Variants in ERC2 observed in about 807,000 individuals in gnomAD.
ERC2 encodes the protein ELKS/RAB6-interacting/CAST family member 2.
In ERC2, 42 loss-of-function variants were observed where a neutral mutation model predicts 114.8. The ratio of observed to expected loss-of-function variants is 0.37; its 90% confidence interval spans 0.29 to 0.47. The LOEUF (loss-of-function observed/expected upper bound fraction) is 0.47. Among genes scored for constraint, ERC2 ranks in the 20% least tolerant of loss-of-function variants. ERC2 has a pLI of 0.99. For synonymous variants in ERC2, 454 were observed against 425.5 expected (o/e 1.07, Z -0.82); for missense variants, 939 against 1,150.7 (o/e 0.82, Z 2.66).
chr3:55,770,980 GTTT>G (rs1160889170), intron 14 of ERC2, among the ~76,000 whole-genome samples: 1 of 152,110 alleles, frequency 6.6e-6, no homozygotes, highest in Non-Finnish European at 1.5e-5. Flanking sequence ...TGAACTCATT[GTTT>G]TTTATGGCTG....
chr3:55,776,077 G>T (rs78894180), intron 14 of ERC2, among the ~76,000 whole-genome samples: 1 of 151,800 alleles, frequency 6.6e-6, no homozygotes, highest in African/African-American at 2.4e-5. Context: ...CTACTGTGAA[G>T]GCCTGCATAT....
At chr3:55,898,324 C>T (rs183697166) in intron 13 of ERC2, among the ~76,000 whole-genome samples, 9 of 152,178 alleles carry the variant, frequency 5.9e-5, no homozygotes, top group African/African-American at 1.4e-4. Context: ...CTTTATTACA[C>T]GTGTGTCACA....
In ERC2 at chr3:56,115,229, T is replaced by C. The variant is rs2079161794; in HGVS notation, c.1473+24280A>G. 1.3e-5 allele frequency among the ~76,000 whole-genome samples: 2 copies of C among 152,182 alleles called. 1 individual carries two copies. The highest frequency in any genetic ancestry group is 4.1e-4 in the South Asian group (2 of 4,824). On this transcript the variant is annotated intron_variant, in intron 6 of 17. Coordinates refer to ENST00000288221, the MANE Select transcript of ERC2 (RefSeq NM_015576.3). Reference sequence around the variant, plus strand: ...TGATGAATTGGCTCTATATGGGCAGTAGGCAAGATAAACCCATTGGGCAGT... The same window carrying C: ...TGATGAATTGGCTCTATATGGGCAGCAGGCAAGATAAACCCATTGGGCAGT...
At chr3:55,874,962 A>AT (rs1463805820) in intron 14 of ERC2, among the ~76,000 whole-genome samples, 1 of 151,938 alleles carries the variant, frequency 6.6e-6, no homozygotes, top group Non-Finnish European at 1.5e-5. Flanking sequence ...AATCCTCTAG[A>AT]TTTTTTTCTC....
chr3:55,691,445 G>T (rs544590569), intron 16 of ERC2, among the ~76,000 whole-genome samples: 1 of 147,654 alleles, frequency 6.8e-6, no homozygotes, highest in South Asian at 2.2e-4. Flanking sequence ...CCAATAAGAG[G>T]TTTCTTCATG....
rs9831662 is a variant in ERC2, at chr3:55,763,473, T to C, written c.2565-28555A>G. ...TGAGATAGATGCATCGGGTGTGTCTTGCATTAAACAAATCCAGATTCAGAG... is the reference window on the plus strand; with the variant it reads ...TGAGATAGATGCATCGGGTGTGTCTCGCATTAAACAAATCCAGATTCAGAG... On this transcript the variant is annotated intron_variant, in intron 14 of 17. Coordinates refer to ENST00000288221, the MANE Select transcript of ERC2 (RefSeq NM_015576.3). Among the ~76,000 whole-genome samples, 1,156 of 152,276 alleles carry C rather than the reference T, an allele frequency of 7.6e-3. 20 individuals are homozygous for C. Among genetic ancestry groups the C allele is most frequent in the African/African-American group, 0.027 (1,115 of 41,546 alleles).
intron 4 of ERC2, among the ~76,000 whole-genome samples, chr3:56,155,449 G>T (rs1037865975): frequency 6.6e-6 from 1 of 151,830 alleles, no homozygotes; most frequent in African/African-American, 2.4e-5. Flanking sequence ...GAATGATTGG[G>T]CCCTTATAAC....
intron 17 of ERC2, chr3:55,657,632 T>A (rs1398495177): frequency 1.3e-5 from 2 of 152,066 alleles, no homozygotes; most frequent in East Asian, 1.9e-4. Flanking sequence ...ATTTTTGTAT[T>A]TTTTGAAAAT....
intron 2 of ERC2, among the ~76,000 whole-genome samples, chr3:56,302,769 G>T (rs1464530343): frequency 6.6e-6 from 1 of 152,170 alleles, no homozygotes; most frequent in Non-Finnish European, 1.5e-5. Flanking sequence ...CATCTCTTTG[G>T]AATCTCCCAG....
intron 2 of ERC2, among the ~76,000 whole-genome samples, chr3:56,424,677 C>T (rs1295116171): frequency 2.0e-5 from 3 of 152,186 alleles, no homozygotes; most frequent in Non-Finnish European, 4.4e-5. Context: ...ATTGTAGTTT[C>T]CATCTAAGTA....
chr3:55,736,192 C>G (rs1415180072), intron 14 of ERC2, among the ~76,000 whole-genome samples: 2 of 152,130 alleles, frequency 1.3e-5, no homozygotes, highest in Non-Finnish European at 2.9e-5. Context: ...TGTAAAGATC[C>G]ATTGCATCAC....
chr3:55,654,209 G>A (rs1256361036), intron 17 of ERC2, among the ~76,000 whole-genome samples: 1 of 152,198 alleles, frequency 6.6e-6, no homozygotes, highest in African/African-American at 2.4e-5. Context: ...AGGCTGTCTA[G>A]CAGGGCCACC....
chr3:55,833,856 A>G (rs565136316), intron 14 of ERC2, among the ~76,000 whole-genome samples: 10 of 152,218 alleles, frequency 6.6e-5, no homozygotes, highest in Admixed American at 1.3e-4. Context: ...TGCTGTATTC[A>G]GGAAATCCAT....
intron 2 of ERC2, among the ~76,000 whole-genome samples, chr3:56,405,974 C>T (rs1276188992): frequency 2.1e-5 from 3 of 141,194 alleles, no homozygotes; most frequent in Non-Finnish European, 4.5e-5. Context: ...CTCACTGCAA[C>T]CTCCACCTCC....
At chr3:55,666,844 C>A (rs1035843123) in intron 17 of ERC2, among the ~76,000 whole-genome samples, 1 of 152,040 alleles carries the variant, frequency 6.6e-6, no homozygotes, top group African/African-American at 2.4e-5. Flanking sequence ...TCACTAGTTC[C>A]GCAACTTGGA....
chr3:55,776,268 C>T (rs542322786), intron 14 of ERC2, among the ~76,000 whole-genome samples: 23 of 152,118 alleles, frequency 1.5e-4, no homozygotes, highest in African/African-American at 5.1e-4. Context: ...TCTCAAGAAG[C>T]GGGTCTGTCT....
At chr3:55,749,324 C>G (rs1253639949) in intron 14 of ERC2, among the ~76,000 whole-genome samples, 3 of 152,136 alleles carry the variant, frequency 2.0e-5, no homozygotes, top group Non-Finnish European at 4.4e-5. Flanking sequence ...CTTCCCAGCT[C>G]CACTGACCAA....
chr3:56,392,031 A>G (rs941944688), intron 2 of ERC2, among the ~76,000 whole-genome samples: 5 of 152,240 alleles, frequency 3.3e-5, no homozygotes, highest in African/African-American at 4.8e-5. Context: ...AATGTATTCA[A>G]GTAAACATAT....
chr3:56,319,364 CATTACGCTAAATAAA>C (rs986966263), intron 2 of ERC2, among the ~76,000 whole-genome samples: 5 of 151,040 alleles, frequency 3.3e-5, no homozygotes, highest in Admixed American at 2.0e-4. Context: ...ACTTTGAGGA[CATTACGCTAAATAAA>C]ATAAGCCAGT....
Sources: allele counts gnomAD v4.1 joint callset (sites outside exome capture counted in the v4.1 genomes callset), GRCh38; gene constraint gnomAD v4.1.1; transcripts MANE v1.5; gene names NCBI Gene and HGNC (gene_info 2026-07-23, HGNC 2026-07-21).